BMPR1A: variants seen among roughly 807,000 people sequenced by gnomAD.
BMPR1A encodes the protein bone morphogenetic protein receptor type 1A.
A neutral mutation model predicts 66.0 loss-of-function variants in BMPR1A; 7 were observed. The ratio of observed to expected loss-of-function variants is 0.11; its 90% CI spans 0.06 to 0.20. The LOEUF (loss-of-function observed/expected upper bound fraction) is 0.20. Ranked by LOEUF, BMPR1A falls within the 10% of genes least tolerant of loss-of-function variation. The pLI is 1.00. For synonymous variants in BMPR1A, 200 were observed against 229.7 expected (o/e 0.87, Z 1.17); for missense variants, 408 against 669.1 (o/e 0.61, Z 4.31).
chr10:86,930,670 A>G (rs892410141), downstream of BMPR1A: 1 of 152,188 alleles, frequency 6.6e-6, no homozygotes, highest in African/African-American at 2.4e-5. Flanking sequence ...TCTTTGTTCA[A>G]ATGAAATCTA....
intron 1 of BMPR1A, among the ~76,000 whole-genome samples, chr10:86,796,578 C>T (rs2168729): frequency 0.96 from 146,014 of 151,460 alleles, 70,411 homozygotes; most frequent in East Asian, 1. Context: ...TTCCTTGTTT[C>T]TTCTTTTTTG....
chr10:86,792,633 AAAAC>A (rs1009687618), intron 1 of BMPR1A, among the ~76,000 whole-genome samples: 5 of 152,152 alleles, frequency 3.3e-5, no homozygotes, highest in African/African-American at 4.8e-5. Context: ...CTGTCTCTAT[AAAAC>A]AAACAAACAA....
chr10:86,843,463 CAGAA>C (rs1457508509), intron 2 of BMPR1A: 1 of 152,190 alleles, frequency 6.6e-6, no homozygotes, highest in Non-Finnish European at 1.5e-5. Context: ...AAGGAGGAAT[CAGAA>C]AGTAACCTGC....
At chr10:86,835,549 C>CAAAAAAA (rs55804247) in intron 1 of BMPR1A, among the ~76,000 whole-genome samples, 714 of 44,308 alleles carry the variant, frequency 0.016, 152 homozygotes, top group Non-Finnish European at 0.02. Context: ...GACTCTGTAT[C>CAAAAAAA]AAAAAAAAAA....
At chr10:86,881,041 A>AG (rs1287311112) in intron 3 of BMPR1A, among the ~76,000 whole-genome samples, 4 of 152,126 alleles carry the variant, frequency 2.6e-5, no homozygotes, top group African/African-American at 9.7e-5. Context: ...TTAAAAAAAA[A>AG]ATAGTTTGAG....
chr10:86,794,698 TCAGATTCA>T (rs1205942367), intron 1 of BMPR1A, among the ~76,000 whole-genome samples: 1 of 152,058 alleles, frequency 6.6e-6, no homozygotes. Flanking sequence ...TTCCAGATTT[TCAGATTCA>T]CATATTTCCT....
chr10:86,803,200 A>T (rs994217240), intron 1 of BMPR1A, among the ~76,000 whole-genome samples: 1 of 152,134 alleles, frequency 6.6e-6, no homozygotes, highest in Admixed American at 6.5e-5. Context: ...ATAATGTCAC[A>T]AGCTTACCAA....
chr10:86,923,255 C>G, intron 11 of BMPR1A, 121 bp from the exon 12 acceptor site: 1 of 1,345,388 alleles, frequency 7.4e-7, no homozygotes, highest in Non-Finnish European at 1.0e-6. Context: ...ATCATAGTGT[C>G]TATATTTTTT....
chr10:86,842,958 A>G (rs1350492617), intron 2 of BMPR1A, among the ~76,000 whole-genome samples: 2 of 152,174 alleles, frequency 1.3e-5, no homozygotes, highest in Non-Finnish European at 2.9e-5. Flanking sequence ...GGGAGCTACA[A>G]TTCAAGAGGA....
At chr10:86,881,646 A>C (rs1416196826) in intron 3 of BMPR1A, among the ~76,000 whole-genome samples, 2 of 152,216 alleles carry the variant, frequency 1.3e-5, no homozygotes, top group Non-Finnish European at 2.9e-5. Flanking sequence ...CATAGAGAAC[A>C]AGAGGACATG....
chr10:86,854,731 A>G lies in BMPR1A; in HGVS notation c.-153+15752A>G. 1.3e-5 allele frequency: 3 copies of G among 230,858 alleles called. No individual in the cohort carries two copies. The South Asian group carries it at 2.4e-4, about 18-fold the overall frequency. 14.3% of individuals were successfully genotyped at this position (230,858 alleles called of 1,614,324 possible). A position where few individuals can be genotyped will look rare whatever the true frequency, so the allele number is the denominator to read the frequency against. On this transcript the variant is annotated intron_variant, in intron 2 of 12. Coordinates refer to ENST00000372037, the MANE Select transcript of BMPR1A (RefSeq NM_004329.3). Reference sequence around the variant, plus strand: ...TGTGATTTGGTGGTTTCTTCATCCAAAACGTATCATCCTCTATAAAACTCC... The same window carrying G: ...TGTGATTTGGTGGTTTCTTCATCCAGAACGTATCATCCTCTATAAAACTCC...
At chr10:86,853,671 G>T (rs1282419336) in intron 2 of BMPR1A, among the ~76,000 whole-genome samples, 1 of 152,156 alleles carries the variant, frequency 6.6e-6, no homozygotes, top group East Asian at 1.9e-4. Flanking sequence ...GCGTCCGGGG[G>T]AGACATCACA....
chr10:86,878,139 A>C (rs1842944032), intron 3 of BMPR1A, among the ~76,000 whole-genome samples: 1 of 152,208 alleles, frequency 6.6e-6, no homozygotes, highest in African/African-American at 2.4e-5. Flanking sequence ...GTATTAATGG[A>C]AATAACTTCT....
At position 86,892,355 on chromosome 10, in the gene BMPR1A, G is replaced by T. The variant is rs953015884; in HGVS notation, c.333+126G>T. On this transcript the variant is annotated intron_variant, in intron 5 of 12. Transcript: ENST00000372037. ...TGTTCACATCAGTAAATATATTGGA[G>T]GAATACCTACTGTCTAGATTCTGTC... is the stretch of plus-strand genomic sequence containing the variant. 5 of 712,654 alleles carry T rather than the reference G, an allele frequency of 7.0e-6. No individual in the cohort carries two copies. In the African/African-American group the frequency reaches 7.1e-5, roughly 10 times the overall value. 44.1% of individuals were successfully genotyped at this position (712,654 alleles called of 1,614,324 possible). A position where few individuals can be genotyped will look rare whatever the true frequency, so the allele number is the denominator to read the frequency against.
At chr10:86,816,088 G>T (rs1288148209) in intron 1 of BMPR1A, among the ~76,000 whole-genome samples, 1 of 152,188 alleles carries the variant, frequency 6.6e-6, no homozygotes, top group Non-Finnish European at 1.5e-5. Flanking sequence ...CTAAGCCATT[G>T]AAATGTTGGG....
chr10:86,863,833 C>T (rs1479847361), intron 2 of BMPR1A, among the ~76,000 whole-genome samples: 1 of 151,886 alleles, frequency 6.6e-6, no homozygotes, highest in African/African-American at 2.4e-5. Flanking sequence ...AATCTTTGTA[C>T]CCTGAATTAA....
Position 86,900,123 on chromosome 10 carries a change from A to G in BMPR1A, c.527A>G (p.Tyr176Cys), listed in dbSNP as rs1554889024. ...ATCATCTTCTCCAGCTGCTTTTGTT[A>G]CAAGTAAGAAGATATTTATTTTGAA... ...AMIIFSSCFC[Y>C]KHYCKSISSR... is the part of the protein sequence containing the mutation. Residue 176 changes from tyrosine to cysteine, a missense_variant, in exon 7 of 13, where the codon TAC becomes TGC. Around this residue, in one of 5 missense-constraint regions of BMPR1A, gnomAD observed 174 missense variants for 265.1 expected, o/e 0.66. Transcript: ENST00000372037. 6.2e-7 allele frequency: 1 copy of G among 1,613,242 alleles called. No individual in the cohort carries two copies. Among genetic ancestry groups the G allele is most frequent in the Non-Finnish European group, 8.5e-7 (1 of 1,179,864 alleles).
chr10:86,866,006 A>C (rs1842780733), intron 2 of BMPR1A, among the ~76,000 whole-genome samples: 1 of 152,210 alleles, frequency 6.6e-6, no homozygotes, highest in Non-Finnish European at 1.5e-5. Context: ...CAGAGAGTGT[A>C]GATTGCTGCT....
chr10:86,769,170 A>G (rs1381939358), intron 1 of BMPR1A, among the ~76,000 whole-genome samples: 2 of 152,144 alleles, frequency 1.3e-5, no homozygotes, highest in Non-Finnish European at 2.9e-5. Context: ...GATATAGGAA[A>G]TTTTGTTGCT....
Sources: allele counts gnomAD v4.1 joint callset (sites outside exome capture counted in the v4.1 genomes callset), GRCh38; gene constraint gnomAD v4.1.1; regional missense constraint gnomAD v4.1.1; transcripts MANE v1.5; gene names NCBI Gene and HGNC (gene_info 2026-07-23, HGNC 2026-07-21).